The following ZPBP variants were observed in gnomAD, a reference collection of about 807,000 sequenced individuals.
ZPBP encodes the protein zona pellucida binding protein, also known as zona pellucida-binding protein 1.
Under a neutral mutation model 44.8 loss-of-function variants are expected in ZPBP, and 26 were observed. The observed-to-expected ratio is 0.58, with a 90% CI of 0.43 to 0.81. The LOEUF (loss-of-function observed/expected upper bound fraction) is 0.81, where lower values mean the gene tolerates loss of function less well. Ranked by LOEUF, ZPBP falls within the 30% of genes least tolerant of loss-of-function variation. The pLI is 0.00. For missense variants in ZPBP, 409 were observed against 434.0 expected, an observed-to-expected ratio of 0.94 and a Z score of 0.51; for synonymous variants, 174 against 153.2, an observed-to-expected ratio of 1.14 and a Z score of -1.00.
At chr7:49,929,903 T>C (rs1794389302) in intron 1 of ZPBP, among the ~76,000 whole-genome samples, 1 of 152,202 alleles carries the variant, frequency 6.6e-6, no homozygotes, top group South Asian at 2.1e-4. Flanking sequence ...AAAAAGACAC[T>C]GGCCTGTTCA....
chr7:50,086,700 C>T (rs2128855766), intron 2 of ZPBP, among the ~76,000 whole-genome samples: 1 of 151,952 alleles, frequency 6.6e-6, no homozygotes, highest in South Asian at 2.1e-4. Context: ...ACTCAGAGAC[C>T]TGTGAAAAAC....
At chr7:49,978,871 T>C (rs1373554635) in intron 7 of ZPBP, among the ~76,000 whole-genome samples, 1 of 152,008 alleles carries the variant, frequency 6.6e-6, no homozygotes, top group Admixed American at 6.6e-5. Context: ...TCCTGTAAAA[T>C]AAACAAAAAT....
chr7:49,981,384 A>ATATATATTTTATAATTATATATATTTTAT (rs1466053830), intron 7 of ZPBP, among the ~76,000 whole-genome samples: 2 of 18,372 alleles, frequency 1.1e-4, no homozygotes, highest in Non-Finnish European at 1.8e-4. Context: ...TATTATATAT[A>ATATATATTTTATAATTATATATATTTTAT]ATTATATATA....
chr7:49,959,637 T>C (rs922143646), intron 7 of ZPBP, among the ~76,000 whole-genome samples: 1 of 152,178 alleles, frequency 6.6e-6, no homozygotes, highest in African/African-American at 2.4e-5. Context: ...AATCAACATG[T>C]TCACTATTTA....
intron 7 of ZPBP, among the ~76,000 whole-genome samples, chr7:49,978,495 G>A (rs908530048): frequency 6.6e-6 from 1 of 151,992 alleles, no homozygotes; most frequent in Non-Finnish European, 1.5e-5. Flanking sequence ...CTTCCAGAAG[G>A]AAAAGAACAA....
chr7:50,014,217 C>G (rs1057493539), intron 6 of ZPBP, among the ~76,000 whole-genome samples: 2 of 151,956 alleles, frequency 1.3e-5, no homozygotes, highest in Non-Finnish European at 2.9e-5. Context: ...AACTCCAATC[C>G]TAACCCAAGC....
chr7:49,852,847 GCTCCTTGAA>G (rs1790237741), intron 2 of ZPBP, among the ~76,000 whole-genome samples: 4 of 152,200 alleles, frequency 2.6e-5, no homozygotes, highest in Admixed American at 2.6e-4. Flanking sequence ...CTAGTGACTG[GCTCCTTGAA>G]CTACAGTTGC....
chr7:49,924,768 A>G (rs1794164951), intron 1 of ZPBP, among the ~76,000 whole-genome samples: 1 of 152,172 alleles, frequency 6.6e-6, no homozygotes, highest in Non-Finnish European at 1.5e-5. Context: ...GACATAATAC[A>G]ACAAACAACC....
At chr7:49,882,214 T>G (rs1168670311) in intron 2 of ZPBP, among the ~76,000 whole-genome samples, 1 of 152,168 alleles carries the variant, frequency 6.6e-6, no homozygotes, top group African/African-American at 2.4e-5. Flanking sequence ...GAAGTAACAC[T>G]TTTTTGTTTA....
intron 1 of ZPBP, chr7:49,921,467 G>C (rs558958513): frequency 9.9e-5 from 15 of 152,174 alleles, no homozygotes; most frequent in Non-Finnish European, 1.8e-4. Context: ...TTGGAGGTCT[G>C]ATTCTAATCC....
intron 7 of ZPBP, among the ~76,000 whole-genome samples, chr7:49,953,353 A>G (rs1168626769): frequency 3.3e-5 from 5 of 152,178 alleles, no homozygotes; most frequent in Non-Finnish European, 7.4e-5. Context: ...GAAGAGGAAC[A>G]TCTATTTTGA....
intron 6 of ZPBP, among the ~76,000 whole-genome samples, chr7:49,998,977 A>T (rs912272412): frequency 6.6e-6 from 1 of 152,038 alleles, no homozygotes; most frequent in Non-Finnish European, 1.5e-5. Context: ...AAAATCCAAA[A>T]TTTTTTGAGT....
chr7:49,894,896 G>A (rs558236647), intron 2 of ZPBP, among the ~76,000 whole-genome samples: 15 of 152,332 alleles, frequency 9.8e-5, no homozygotes, highest in Admixed American at 5.2e-4. Flanking sequence ...AGTAGGCGCC[G>A]AACACAGCCT....
chr7:50,061,072 C>A (rs1801211426), intron 3 of ZPBP, among the ~76,000 whole-genome samples: 1 of 152,158 alleles, frequency 6.6e-6, no homozygotes, highest in Non-Finnish European at 1.5e-5. Context: ...ACACGATCAT[C>A]TCAACAGATG....
intron 3 of ZPBP, among the ~76,000 whole-genome samples, chr7:50,059,199 G>T (rs953882835): frequency 6.6e-6 from 1 of 152,122 alleles, no homozygotes; most frequent in African/African-American, 2.4e-5. Context: ...TTAGGTAAAT[G>T]ATTTATTGCT....
intron 2 of ZPBP, among the ~76,000 whole-genome samples, chr7:49,867,533 T>C (rs562041126): frequency 6.6e-6 from 1 of 152,278 alleles, no homozygotes; most frequent in Admixed American, 6.5e-5. Flanking sequence ...GTCTTCTTGT[T>C]CTGTTAAAAA....
At chr7:49,912,059 G>A (rs1407183219) in intron 1 of ZPBP, 6 of 1,613,670 alleles carry the variant, frequency 3.7e-6, no homozygotes, top group African/African-American at 2.7e-5. Flanking sequence ...CAGAAACCGC[G>A]GTGATCCCTG....
chr7:49,927,776 A>G (rs954558528), intron 1 of ZPBP, among the ~76,000 whole-genome samples: 1 of 152,234 alleles, frequency 6.6e-6, no homozygotes, highest in Admixed American at 6.5e-5. Flanking sequence ...CCAATGAATT[A>G]CATGAGTATG....
In ZPBP at chr7:50,056,847, C is replaced by T. The variant is rs1444221451; in HGVS notation, c.487+1142G>A. ...CAGAGGGAGATGGGGTAAAGTCTCT[C>T]AGGTAACTGCCAAACTTCACCTTTA... On this transcript the variant is annotated intron_variant, in intron 4 of 7. Coordinates refer to ENST00000046087, the MANE Select transcript of ZPBP (RefSeq NM_007009.3). Among the ~76,000 whole-genome samples the T allele has an allele frequency of 2.0e-5, 3 of 152,142 alleles. No individual in the cohort carries two copies. The East Asian group carries it at 5.8e-4, about 29-fold the overall frequency.
Sources: gnomAD v4.1 joint callset for allele counts (sites outside exome capture counted in the v4.1 genomes callset) on GRCh38, gnomAD v4.1.1 for gene constraint, MANE v1.5 for transcripts, NCBI Gene and HGNC (gene_info 2026-07-23, HGNC 2026-07-21) for gene names.